The following CCDC180 variants were observed in gnomAD, a reference collection of about 807,000 sequenced individuals.
The protein encoded by CCDC180 is coiled-coil domain containing 180.
CCDC180 carries 154 observed loss-of-function variants against 209.2 expected under a neutral mutation model. That is an observed-to-expected ratio of 0.74 (90% CI 0.65 to 0.84). The LOEUF is 0.84. Ranked by LOEUF, CCDC180 falls within the 40% of genes least tolerant of loss-of-function variation. CCDC180 has a pLI of 0.00. For missense variants in CCDC180, 1,874 were observed against 1,997.3 expected, an observed-to-expected ratio of 0.94 and a Z score of 1.18; for synonymous variants, 778 against 749.1, an observed-to-expected ratio of 1.04 and a Z score of -0.63.
chr9:97,318,644 G>A, intron 10 of CCDC180, 62 bp downstream of exon 10: 9 of 1,588,306 alleles, frequency 5.7e-6, no homozygotes, highest in South Asian at 1.1e-5. Context: ...GGAGGCAGAA[G>A]TGGCCTGCAG....
chr9:97,362,418 T>G lies in CCDC180; in HGVS notation c.3879T>G (p.Ser1293Arg). The G allele has an allele frequency of 6.2e-7, 1 of 1,614,062 alleles. No homozygotes were observed. Among genetic ancestry groups the G allele is most frequent in the Non-Finnish European group, 8.5e-7 (1 of 1,179,972 alleles). Residue 1293 changes from serine (S) to arginine (R), a missense_variant, in exon 28 of 37, where the codon AGT (serine) becomes AGG (arginine). By Grantham distance (110) the Ser-to-Arg change is moderately radical (BLOSUM62 -1). Coordinates refer to ENST00000529487, the MANE Select transcript of CCDC180 (RefSeq NM_020893.6). ...ACTCTGGGAAGAAGGCTGTACCCAG[T>G]GCCAGTGCTACCTCTGCAGGCAGGT... ...PENSGKKAVP[S>R]ASATSAGSFT...
chr9:97,328,293 C>G (rs1363465133), intron 16 of CCDC180, 147 bp downstream of exon 16: 21 of 900,746 alleles, frequency 2.3e-5, no homozygotes, highest in Non-Finnish European at 3.4e-5. Flanking sequence ...CTGAAAGTGT[C>G]TCTAAAGAGA....
chr9:97,320,084 G>T (rs1359994898), intron 10 of CCDC180, 42 bp from the exon 11 acceptor site: 5 of 1,527,048 alleles, frequency 3.3e-6, no homozygotes, highest in African/African-American at 2.7e-5. Flanking sequence ...TGAGTAAACG[G>T]TTTGTTCCTG....
At chr9:97,374,681 A>G in intron 35 of CCDC180, 33 bp downstream of exon 35, 1 of 1,552,768 alleles carries the variant, frequency 6.4e-7, no homozygotes, top group Non-Finnish European at 8.9e-7. Context: ...ACTACTGTAA[A>G]TGGCTGTATC....
chr9:97,351,357 A>G (rs2118824334), intron 22 of CCDC180, among the ~76,000 whole-genome samples: 1 of 152,246 alleles, frequency 6.6e-6, no homozygotes, highest in East Asian at 1.9e-4. Context: ...AGACCTGTTA[A>G]TGGGCGTGAG....
Position 97,314,669 on chromosome 9 carries a change from C to G in CCDC180, c.640C>G (p.Gln214Glu). The G allele has an allele frequency of 1.2e-6, 2 of 1,614,060 alleles. No individual in the cohort carries two copies. Among genetic ancestry groups the G allele is most frequent in the Non-Finnish European group, 1.7e-6 (2 of 1,180,016 alleles). ...KVAGRLLLRK[Q>E]EIKELDEALH... ...GGCCGGGCGGTTACTGCTCCGGAAG[C>G]AGGAGATTAAGGAGCTGGATGAGGC... The change falls in exon 7 of 37, where the codon CAG (glutamine) becomes GAG (glutamate). Residue 214 changes from glutamine to glutamate, a missense_variant. By Grantham distance (29) the Gln-to-Glu change is conservative. Transcript: ENST00000529487.
intron 22 of CCDC180, 22 bp downstream of exon 22, chr9:97,350,577 C>G (rs1450258981): frequency 2.0e-6 from 3 of 1,534,880 alleles, no homozygotes; most frequent in East Asian, 4.9e-5. Context: ...TGTCCAGGGC[C>G]TCTTCAGGCC....
At chr9:97,368,636 AT>A (rs1378929726) in intron 31 of CCDC180, among the ~76,000 whole-genome samples, 1 of 152,270 alleles carries the variant, frequency 6.6e-6, no homozygotes, top group Non-Finnish European at 1.5e-5. Flanking sequence ...TTATCTAAAC[AT>A]GAATTCAATT....
At chr9:97,354,433 ATCTGTG>A in intron 22 of CCDC180, 130 bp from the exon 23 acceptor site, 1 of 832,672 alleles carries the variant, frequency 1.2e-6, no homozygotes, top group Non-Finnish European at 1.9e-6. Context: ...TCCTTAAGCT[ATCTGTG>A]TTCATTTTCC....
At chr9:97,364,178 G>A in intron 29 of CCDC180, 50 bp downstream of exon 29, 1 of 1,559,350 alleles carries the variant, frequency 6.4e-7, no homozygotes, top group South Asian at 1.1e-5. Flanking sequence ...GTTTTGGGTT[G>A]CAGGGGCAGC....
intron 1 of CCDC180, 42 bp from the exon 2 acceptor site, chr9:97,307,941 G>A (rs779834161): frequency 6.3e-7 from 1 of 1,582,036 alleles, no homozygotes; most frequent in Non-Finnish European, 8.6e-7. Flanking sequence ...GTCCCGCCTG[G>A]ACCTGAACCT....
At position 97,371,676 on chromosome 9, in the gene CCDC180, GT is replaced by G; in HGVS notation, c.4571del (p.Val1524GlyfsTer32). On this transcript the variant is annotated frameshift_variant, in exon 34 of 37. Transcript: ENST00000529487. LOFTEE classifies it high-confidence loss of function. ...GAAGTTCCTACTGCAGTTGGATGAG[GT>G]GGTCACCATTGACGATGTCCAGGTT... ...TEKFLLQLDE[V>X]VTIDDVQVAR... The G allele has an allele frequency of 6.2e-7, 1 of 1,606,048 alleles. No individual in the cohort carries two copies. Among genetic ancestry groups the G allele is most frequent in the Non-Finnish European group, 8.5e-7 (1 of 1,173,478 alleles).
At chr9:97,332,424 A>T (rs2118702316) in intron 18 of CCDC180, among the ~76,000 whole-genome samples, 1 of 152,304 alleles carries the variant, frequency 6.6e-6, no homozygotes, top group Admixed American at 6.5e-5. Context: ...TAGTAGTTTG[A>T]TAGGAATAGC....
At chr9:97,324,932 A>G in intron 13 of CCDC180, 87 bp from the exon 14 acceptor site, 6 of 1,279,446 alleles carry the variant, frequency 4.7e-6, no homozygotes, top group Non-Finnish European at 6.5e-6. Context: ...TTCAGTCGTT[A>G]GAGACAGGGG....
rs749871242 is a variant in CCDC180, at chr9:97,361,755, C to A, written c.3513C>A (p.Asp1171Glu). The A allele has an allele frequency of 1.2e-6, 2 of 1,614,132 alleles. No homozygotes were observed. The highest frequency in any genetic ancestry group is 1.7e-6 in the Non-Finnish European group (2 of 1,180,012). The change falls in exon 27 of 37, where the codon GAC (aspartate) becomes GAA (glutamate). Residue 1171 changes from aspartate (D) to glutamate (E), a missense_variant. Coordinates refer to ENST00000529487, the MANE Select transcript of CCDC180 (RefSeq NM_020893.6). ...TNTILKDQEE[D>E]SDILTSSEAL... ...CCATCCTGAAGGACCAGGAGGAAGACAGTGACATCCTGACATCTTCAGAAG... is the reference window on the plus strand; with the variant it reads ...CCATCCTGAAGGACCAGGAGGAAGAAAGTGACATCCTGACATCTTCAGAAG...
chr9:97,324,937 C>CG (rs1833480105), intron 13 of CCDC180, 82 bp from the exon 14 acceptor site: 1 of 1,331,216 alleles, frequency 7.5e-7, no homozygotes, highest in Admixed American at 2.1e-5. Context: ...TCGTTAGAGA[C>CG]AGGGGGTCCC....
chr9:97,314,914 G>A lies in CCDC180; in HGVS notation c.763G>A (p.Glu255Lys), dbSNP rs545586330. The change falls in exon 8 of 37, where the codon GAA becomes AAA. Residue 255 changes from glutamate (E) to lysine (K), a missense_variant. Coordinates refer to ENST00000529487, the MANE Select transcript of CCDC180 (RefSeq NM_020893.6). ...GAAAACTTCCTACCTCATGCGGCCC[G>A]AAGTGTACAGGCTGATAAATGAAGA... ...IEKTSYLMRP[E>K]VYRLINEEAM... The A allele has an allele frequency of 1.2e-5, 19 of 1,614,056 alleles. No individual in the cohort carries two copies. Among genetic ancestry groups the A allele is most frequent in the Middle Eastern group, 1.6e-4 (1 of 6,062 alleles).
intron 18 of CCDC180, among the ~76,000 whole-genome samples, chr9:97,335,581 T>C (rs1453416440): frequency 6.6e-6 from 1 of 152,202 alleles, no homozygotes; most frequent in Non-Finnish European, 1.5e-5. Flanking sequence ...TCTATCATTC[T>C]GGATATTTGG....
At chr9:97,309,013 T>G (rs1832894086) in intron 2 of CCDC180, among the ~76,000 whole-genome samples, 1 of 152,246 alleles carries the variant, frequency 6.6e-6, no homozygotes, top group Non-Finnish European at 1.5e-5. Flanking sequence ...ATATATCATC[T>G]CCTAAGCATT....
Sources: gnomAD v4.1 joint callset for allele counts (sites outside exome capture counted in the v4.1 genomes callset) on GRCh38, gnomAD v4.1.1 for gene constraint, MANE v1.5 for transcripts, NCBI Gene and HGNC (gene_info 2026-07-23, HGNC 2026-07-21) for gene names.